Variants in PROM1 observed in about 807,000 individuals in gnomAD.
PROM1 encodes the protein prominin-1.
PROM1 carries 105 observed loss-of-function variants against 116.9 expected under a neutral mutation model. That is an observed-to-expected ratio of 0.90 (90% CI 0.77 to 1.06). PROM1 has a LOEUF of 1.06. Ranked by LOEUF, PROM1 falls within the 50% of genes least tolerant of loss-of-function variation. PROM1 has a pLI of 0.00. For missense variants in PROM1, 1,122 were observed against 1,045.2 expected, an observed-to-expected ratio of 1.07 and a Z score of -1.01; for synonymous variants, 393 against 387.0, an observed-to-expected ratio of 1.02 and a Z score of -0.18.
intron 2 of PROM1, among the ~76,000 whole-genome samples, chr4:16,042,113 C>T (rs1441576076): frequency 1.3e-5 from 2 of 152,122 alleles, no homozygotes; most frequent in African/African-American, 4.8e-5. Context: ...CGTGCCTGGC[C>T]AGCATTTTCT....
Position 15,998,473 on chromosome 4 carries a change from A to C in PROM1, c.1594T>G (p.Tyr532Asp). 6.2e-7 allele frequency: 1 copy of C among 1,608,804 alleles called. No individual in the cohort carries two copies. The highest frequency in any genetic ancestry group is 1.1e-5 in the South Asian group (1 of 89,248). Reference protein sequence around the residue: ...KELFRVLDTPYLLNEDWEYYL... With the variant: ...KELFRVLDTPDLLNEDWEYYL... Reference sequence around the variant, plus strand: ...TATTCCCAGTCTTCATTTAGTAAGTAGGGTGTATCCAAAACCTAGAACACA... The same window carrying C: ...TATTCCCAGTCTTCATTTAGTAAGTCGGGTGTATCCAAAACCTAGAACACA... Residue 532 changes from tyrosine (Y) to aspartate (D), a missense_variant, in exon 15 of 28, where the codon TAC becomes GAC. Transcript: ENST00000447510.
At chr4:16,006,870 C>T (rs1725639214) in intron 12 of PROM1, among the ~76,000 whole-genome samples, 180 bp from the exon 13 acceptor site, 1 of 152,190 alleles carries the variant, frequency 6.6e-6, no homozygotes, top group Non-Finnish European at 1.5e-5. Flanking sequence ...CCTTTGCCTT[C>T]CAATTCAACC....
intron 12 of PROM1, among the ~76,000 whole-genome samples, chr4:16,006,891 C>G (rs955802744): frequency 1.3e-5 from 2 of 152,140 alleles, no homozygotes; most frequent in African/African-American, 4.8e-5. Context: ...AGCGGAGAAA[C>G]TTTTATTTTG....
chr4:15,981,439 G>C (rs1255278511), intron 23 of PROM1, among the ~76,000 whole-genome samples: 1 of 151,914 alleles, frequency 6.6e-6, no homozygotes, highest in Non-Finnish European at 1.5e-5. Flanking sequence ...AGGCATGGTG[G>C]TGTGTGCCTG....
chr4:15,984,177 C>A, intron 23 of PROM1, 86 bp downstream of exon 23: 1 of 1,123,758 alleles, frequency 8.9e-7, no homozygotes, highest in Non-Finnish European at 1.3e-6. Context: ...AAGCAGAAAA[C>A]AAATATTATA....
intron 2 of PROM1, among the ~76,000 whole-genome samples, chr4:16,048,574 C>CT (rs201705717): frequency 1.1e-4 from 17 of 151,294 alleles, no homozygotes; most frequent in South Asian, 8.4e-4. Flanking sequence ...GGAGGTCTCC[C>CT]TTTTTTTTTA....
chr4:16,023,766 T>C (rs1164540456), intron 7 of PROM1, among the ~76,000 whole-genome samples: 1 of 152,260 alleles, frequency 6.6e-6, no homozygotes, highest in East Asian at 1.9e-4. Context: ...GAGACATCCC[T>C]GGCTTTGACA....
chr4:16,032,113 T>C (rs746432541), intron 5 of PROM1, among the ~76,000 whole-genome samples: 3 of 151,854 alleles, frequency 2.0e-5, no homozygotes, highest in Non-Finnish European at 4.4e-5. Flanking sequence ...ATCTGCTCTA[T>C]AAAAATATGA....
chr4:16,007,212 C>G (rs1241935544), intron 12 of PROM1, among the ~76,000 whole-genome samples: 1 of 152,172 alleles, frequency 6.6e-6, no homozygotes, highest in Admixed American at 6.5e-5. Flanking sequence ...GTGTTCTTTA[C>G]TGAACCAGAT....
intron 8 of PROM1, among the ~76,000 whole-genome samples, chr4:16,020,931 T>C (rs1729692968): frequency 6.6e-6 from 1 of 152,088 alleles, no homozygotes; most frequent in South Asian, 2.1e-4. Flanking sequence ...GTGGAAAAGA[T>C]ATCTAAGGTT....
intron 9 of PROM1, among the ~76,000 whole-genome samples, chr4:16,017,143 C>T (rs1728593789): frequency 6.6e-6 from 1 of 152,110 alleles, no homozygotes; most frequent in Non-Finnish European, 1.5e-5. Context: ...CCCAACTTAC[C>T]TTTTGAGAAA....
intron 19 of PROM1, among the ~76,000 whole-genome samples, 189 bp downstream of exon 19, chr4:15,989,543 C>T (rs572745528): frequency 2.6e-5 from 4 of 152,298 alleles, no homozygotes; most frequent in South Asian, 2.1e-4. Context: ...AAATGAAAAA[C>T]GGAAGGGAAT....
intron 15 of PROM1, among the ~76,000 whole-genome samples, chr4:15,997,769 T>G (rs1722697038): frequency 6.6e-6 from 1 of 152,204 alleles, no homozygotes; most frequent in Non-Finnish European, 1.5e-5. Context: ...CCAGCCTAGA[T>G]GAACAATATT....
At chr4:16,004,830 T>TC (rs748048202) in intron 13 of PROM1, among the ~76,000 whole-genome samples, 17,095 of 111,884 alleles carry the variant, frequency 0.15, 1,379 homozygotes, top group East Asian at 0.24. Flanking sequence ...TTTCTTTCTT[T>TC]TTCTTCCTTC....
chr4:16,013,305 C>T lies in PROM1; in HGVS notation c.1111G>A (p.Val371Ile). Residue 371 changes from valine to isoleucine, a missense_variant, in exon 11 of 28, where the codon GTA (valine) becomes ATA (isoleucine). Transcript: ENST00000447510. ...ACGACAGTCGTGGTTTGGCGTTGTA[C>T]TCTGTCAGGTATATCATTAAGGGAT... ...YQSLNDIPDR[V>I]QRQTTTVVAG... 6.2e-7 allele frequency: 1 copy of T among 1,609,034 alleles called. No homozygotes were observed. Among genetic ancestry groups the T allele is most frequent in the Non-Finnish European group, 8.5e-7 (1 of 1,175,436 alleles).
intron 3 of PROM1, among the ~76,000 whole-genome samples, chr4:16,038,648 G>T (rs1295043217): frequency 1.3e-5 from 2 of 152,120 alleles, no homozygotes; most frequent in Admixed American, 1.3e-4. Flanking sequence ...TGATCTGCCC[G>T]CCTCAGCCTA....
Position 16,009,106 on chromosome 4 carries a change from T to C in PROM1, c.1144A>G (p.Ile382Val), listed in dbSNP as rs1310860253. Reference protein sequence around the residue: ...QRQTTTVVAGIKRVLNSIGSD... With the variant: ...QRQTTTVVAGVKRVLNSIGSD... The stretch of plus-strand genomic sequence containing the variant: ...CCAATGGAATTCAAGACCCTTTTGA[T>C]ACCTGAAAACAAAGATACCTTTGTT... Residue 382 changes from isoleucine to valine, a missense_variant and splice_region_variant, in exon 12 of 28, where the codon ATC (isoleucine) becomes GTC (valine). Physicochemically the swap from Ile to Val is conservative, Grantham distance 29. Transcript: ENST00000447510. 2.5e-6 allele frequency: 4 copies of C among 1,612,114 alleles called. No homozygotes were observed. Among genetic ancestry groups the C allele is most frequent in the Non-Finnish European group, 1.7e-6 (2 of 1,178,968 alleles).
chr4:16,021,449 A>T (rs958532945), intron 8 of PROM1, among the ~76,000 whole-genome samples: 4 of 152,176 alleles, frequency 2.6e-5, no homozygotes, highest in African/African-American at 4.8e-5. Flanking sequence ...AATATATGTG[A>T]TCTCTTCAAC....
At chr4:16,055,333 C>T (rs766840643) in intron 2 of PROM1, 9 of 454,412 alleles carry the variant, frequency 2.0e-5, no homozygotes, top group Non-Finnish European at 3.5e-5. Context: ...GCTGAGATAA[C>T]CTCCCAGGCA....
Sources: gnomAD v4.1 joint callset for allele counts (sites outside exome capture counted in the v4.1 genomes callset) on GRCh38, gnomAD v4.1.1 for gene constraint, MANE v1.5 for transcripts, NCBI Gene and HGNC (gene_info 2026-07-23, HGNC 2026-07-21) for gene names.